Variants in ENOX1 observed in about 807,000 individuals in gnomAD.
ENOX1 encodes the protein ecto-NOX disulfide-thiol exchanger 1.
A neutral mutation model predicts 82.5 loss-of-function variants in ENOX1; 42 were observed. That is an observed-to-expected ratio of 0.51 (90% CI 0.40 to 0.66). The LOEUF is 0.66. Among genes scored for constraint, ENOX1 ranks in the 30% least tolerant of loss-of-function variants. The pLI, the probability that ENOX1 is intolerant of heterozygous loss-of-function variation, is 0.00. For missense variants in ENOX1, 608 were observed against 811.6 expected (o/e 0.75, Z 3.05); for synonymous variants, 271 against 282.2 (o/e 0.96, Z 0.40).
intron 2 of ENOX1, among the ~76,000 whole-genome samples, chr13:43,512,972 G>C (rs553218634): frequency 6.6e-6 from 1 of 152,086 alleles, no homozygotes; most frequent in East Asian, 1.9e-4. Context: ...CCACCATGGA[G>C]TTTATAGCCT....
intron 2 of ENOX1, among the ~76,000 whole-genome samples, chr13:43,584,481 G>T (rs1264196987): frequency 6.6e-6 from 1 of 152,140 alleles, no homozygotes; most frequent in Non-Finnish European, 1.5e-5. Context: ...GCACCTGAAG[G>T]TTTGCTAGGA....
chr13:43,660,971 T>C (rs1000761306), intron 2 of ENOX1, among the ~76,000 whole-genome samples: 4 of 152,202 alleles, frequency 2.6e-5, no homozygotes, highest in African/African-American at 9.6e-5. Context: ...TAGTGGATCA[T>C]TAAGATGTTG....
intron 1 of ENOX1, among the ~76,000 whole-genome samples, chr13:43,755,440 T>C (rs1403617703): frequency 6.6e-6 from 1 of 152,182 alleles, no homozygotes; most frequent in Admixed American, 6.5e-5. Flanking sequence ...CAGGGGCTCA[T>C]GTACCCGTGA....
chr13:43,495,054 CT>C (rs1344306204), intron 2 of ENOX1, among the ~76,000 whole-genome samples: 1 of 152,082 alleles, frequency 6.6e-6, no homozygotes, highest in Non-Finnish European at 1.5e-5. Flanking sequence ...ATGATAGTGA[CT>C]TTACTTTGAG....
intron 1 of ENOX1, among the ~76,000 whole-genome samples, chr13:43,754,912 G>C (rs1202719577): frequency 6.6e-6 from 1 of 152,090 alleles, no homozygotes. Flanking sequence ...ATGTATGCCT[G>C]TATAACTAAA....
At position 43,478,944 on chromosome 13, in the gene ENOX1, C is replaced by CAGGGGAGAAATTCCCCAAGCCTTT. The variant is rs1555293795; in HGVS notation, c.-75+5064_-75+5065insAAAGGCTTGGGGAATTTCTCCCCT. On this transcript the variant is annotated intron_variant, in intron 3 of 16. Transcript: ENST00000690772. ...AAGCCTCAAGAGGTCAGAGCCATTTCGGGGGAGAAATTCCCCAAGCCTTTG... is the reference window on the plus strand; with the variant it reads ...AAGCCTCAAGAGGTCAGAGCCATTTCAGGGGAGAAATTCCCCAAGCCTTTGGGGGAGAAATTCCCCAAGCCTTTG... Among the ~76,000 whole-genome samples the CAGGGGAGAAATTCCCCAAGCCTTT allele has an allele frequency of 2.6e-4, 39 of 151,032 alleles. 1 individual carries two copies. The highest frequency in any genetic ancestry group is 2.2e-3 in the Admixed American group (34 of 15,168).
intron 14 of ENOX1, among the ~76,000 whole-genome samples, chr13:43,238,242 TC>T (rs1410282539): frequency 6.6e-6 from 1 of 151,850 alleles, no homozygotes; most frequent in African/African-American, 2.4e-5. Context: ...CTCTTACAAA[TC>T]AAAAACAGGA....
At chr13:43,583,620 C>G (rs1180028618) in intron 2 of ENOX1, among the ~76,000 whole-genome samples, 2 of 152,122 alleles carry the variant, frequency 1.3e-5, no homozygotes, top group African/African-American at 4.8e-5. Context: ...TAAATATTAA[C>G]TCAAAAAAGC....
chr13:43,458,617 G>T (rs2057331016), intron 3 of ENOX1: 1 of 152,058 alleles, frequency 6.6e-6, no homozygotes, highest in South Asian at 2.1e-4. Flanking sequence ...TATATAAGTA[G>T]GGGAAAGGGA....
intron 3 of ENOX1, among the ~76,000 whole-genome samples, chr13:43,451,926 T>C (rs367817780): frequency 3.3e-5 from 5 of 152,192 alleles, no homozygotes; most frequent in Admixed American, 2.0e-4. Context: ...CAGATGGGGA[T>C]AAATGCTAAC....
At chr13:43,567,322 A>G (rs1421265873) in intron 2 of ENOX1, among the ~76,000 whole-genome samples, 2 of 152,030 alleles carry the variant, frequency 1.3e-5, no homozygotes, top group Non-Finnish European at 2.9e-5. Flanking sequence ...TTTCCCTGTC[A>G]GTATTTGTTT....
At chr13:43,261,408 A>G (rs913507976) in intron 14 of ENOX1, among the ~76,000 whole-genome samples, 1 of 152,160 alleles carries the variant, frequency 6.6e-6, no homozygotes, top group African/African-American at 2.4e-5. Context: ...CACAGCTATT[A>G]ATATACAGAA....
chr13:43,271,820 CTTA>C (rs2044702395), intron 12 of ENOX1, among the ~76,000 whole-genome samples: 1 of 151,942 alleles, frequency 6.6e-6, no homozygotes, highest in Non-Finnish European at 1.5e-5. Flanking sequence ...TCCTTTTCTT[CTTA>C]TGTGTCAGTG....
intron 3 of ENOX1, 69 bp from the exon 4 acceptor site, chr13:43,413,057 A>C (rs1182388360): frequency 2.2e-6 from 3 of 1,365,480 alleles, no homozygotes; most frequent in African/African-American, 1.5e-5. Flanking sequence ...CAAGGAACAA[A>C]CTGTTATCTA....
intron 3 of ENOX1, chr13:43,458,844 T>G (rs541896116): frequency 1.3e-5 from 2 of 152,292 alleles, no homozygotes; most frequent in South Asian, 4.2e-4. Flanking sequence ...ATGAGTTTAT[T>G]CAAGGTATCT....
At chr13:43,539,031 C>A (rs2078594464) in intron 2 of ENOX1, among the ~76,000 whole-genome samples, 1 of 152,140 alleles carries the variant, frequency 6.6e-6, no homozygotes, top group South Asian at 2.1e-4. Context: ...CTATGATGCC[C>A]AGGGTGGTCT....
intron 1 of ENOX1, among the ~76,000 whole-genome samples, chr13:43,675,317 T>C (rs1461469363): frequency 2.0e-5 from 3 of 152,140 alleles, no homozygotes; most frequent in Non-Finnish European, 4.4e-5. Context: ...AGATGATTTC[T>C]GAATGAGAGG....
chr13:43,530,926 G>T lies in ENOX1; in HGVS notation c.-218-46774C>A, dbSNP rs527357330. On this transcript the variant is annotated intron_variant, in intron 2 of 16. Transcript: ENST00000690772. ...CAAAATCTGTATCAGTAATAGGAGT[G>T]TTAGTAATTTATATATAATTAGAAT... Among the ~76,000 whole-genome samples, 16 of 151,984 alleles carry T rather than the reference G, an allele frequency of 1.1e-4. No individual in the cohort carries two copies. In the East Asian group the frequency reaches 2.7e-3, roughly 26 times the overall value.
intron 3 of ENOX1, among the ~76,000 whole-genome samples, chr13:43,474,288 C>T (rs1370062502): frequency 1.3e-5 from 2 of 152,136 alleles, no homozygotes; most frequent in Non-Finnish European, 2.9e-5. Flanking sequence ...TGAAACATCA[C>T]CTACTTCCAA....
Sources: allele counts gnomAD v4.1 joint callset (sites outside exome capture counted in the v4.1 genomes callset), GRCh38; gene constraint gnomAD v4.1.1; transcripts MANE v1.5; gene names NCBI Gene and HGNC (gene_info 2026-07-23, HGNC 2026-07-21).